The following AGBL1 variants were observed in gnomAD, a reference collection of about 807,000 sequenced individuals.
AGBL1 encodes the protein cytosolic carboxypeptidase 4.
Under a neutral mutation model 118.9 loss-of-function variants are expected in AGBL1, and 130 were observed. The ratio of observed to expected loss-of-function variants is 1.09; its 90% CI spans 0.95 to 1.26. The LOEUF is 1.26. AGBL1 is among the 50% of genes most tolerant of loss of function. AGBL1 has a pLI of 0.00. For missense variants in AGBL1, 1,584 were observed against 1,298.1 expected (o/e 1.22, Z -3.38); for synonymous variants, 555 against 478.9 (o/e 1.16, Z -2.08).
intron 24 of AGBL1, among the ~76,000 whole-genome samples, chr15:87,010,909 GA>G (rs1378465403): frequency 6.6e-6 from 1 of 151,884 alleles, no homozygotes; most frequent in African/African-American, 2.4e-5. Context: ...TCCATCTCTG[GA>G]AAATCCTGAC....
At chr15:86,789,483 G>C (rs960507432) in intron 22 of AGBL1, among the ~76,000 whole-genome samples, 2 of 152,162 alleles carry the variant, frequency 1.3e-5, no homozygotes, top group African/African-American at 2.4e-5. Context: ...ATCCCATTGA[G>C]GGGGACAAAC....
chr15:86,965,348 A>C (rs1245728461), intron 23 of AGBL1, among the ~76,000 whole-genome samples: 1 of 151,934 alleles, frequency 6.6e-6, no homozygotes, highest in Non-Finnish European at 1.5e-5. Context: ...ATGGTATCTC[A>C]TTGTGGTTTT....
intron 17 of AGBL1, among the ~76,000 whole-genome samples, chr15:86,378,389 G>A (rs966072): frequency 0.39 from 59,376 of 151,774 alleles, 12,497 homozygotes; most frequent in East Asian, 0.66. Context: ...CTTCCCATCG[G>A]CCTTCCTCTC....
intron 17 of AGBL1, among the ~76,000 whole-genome samples, chr15:86,381,804 C>G (rs1327399236): frequency 2.0e-5 from 3 of 152,062 alleles, no homozygotes; most frequent in Admixed American, 6.5e-5. Context: ...CATATTGAAC[C>G]AAATTGTACT....
intron 23 of AGBL1, among the ~76,000 whole-genome samples, chr15:86,929,739 G>T (rs2080583201): frequency 6.6e-6 from 1 of 152,166 alleles, no homozygotes; most frequent in Admixed American, 6.5e-5. Flanking sequence ...GCGTGTTTCA[G>T]CTTTGACTAT....
At chr15:86,673,001 C>A (rs1209178845) in intron 21 of AGBL1, among the ~76,000 whole-genome samples, 2 of 152,106 alleles carry the variant, frequency 1.3e-5, no homozygotes, top group Non-Finnish European at 2.9e-5. Context: ...TGCTTATGAG[C>A]AATCCTTCTG....
intron 5 of AGBL1, among the ~76,000 whole-genome samples, chr15:86,218,474 G>T (rs2078225716): frequency 1.3e-5 from 2 of 152,164 alleles, no homozygotes; most frequent in Admixed American, 6.5e-5. Context: ...CTCACCTCCT[G>T]TTGTTTATAC....
At chr15:86,538,952 G>C (rs2083459481) in intron 19 of AGBL1, among the ~76,000 whole-genome samples, 3 of 152,222 alleles carry the variant, frequency 2.0e-5, no homozygotes, top group Non-Finnish European at 1.5e-5. Flanking sequence ...TGAGAAGCAT[G>C]GCAATCTGGT....
chr15:86,255,818 A>C (rs1195511075), intron 7 of AGBL1, among the ~76,000 whole-genome samples: 1 of 152,142 alleles, frequency 6.6e-6, no homozygotes, highest in Non-Finnish European at 1.5e-5. Context: ...TTTTGGAGTC[A>C]TTTGGGTAGC....
intron 17 of AGBL1, among the ~76,000 whole-genome samples, chr15:86,356,008 C>T (rs2080710614): frequency 6.6e-6 from 1 of 152,150 alleles, no homozygotes; most frequent in South Asian, 2.1e-4. Context: ...GACAGTCCCC[C>T]TAGGCAGTTG....
chr15:86,395,460 C>A (rs552581435), intron 17 of AGBL1, among the ~76,000 whole-genome samples: 6 of 152,208 alleles, frequency 3.9e-5, no homozygotes, highest in Admixed American at 2.0e-4. Context: ...TTTGTATACA[C>A]CTCCATTAGC....
chr15:86,357,559 T>C (rs920387795), intron 17 of AGBL1, among the ~76,000 whole-genome samples: 1 of 152,196 alleles, frequency 6.6e-6, no homozygotes, highest in African/African-American at 2.4e-5. Context: ...AAAAGGGCCT[T>C]GTGGTTAGCA....
Position 86,314,812 on chromosome 15 carries a change from T to A in AGBL1, c.2374+19404T>A, listed in dbSNP as rs368894915. 3.3e-5 allele frequency among the ~76,000 whole-genome samples: 5 copies of A among 152,172 alleles called. No homozygotes were observed. In the East Asian group the frequency reaches 5.8e-4, roughly 18 times the overall value. The stretch of plus-strand genomic sequence containing the variant: ...CTTCAAGCTCCATCTTTTCTCGTTG[T>A]GAATTCCATAAAAAGCCATGTTTTC... On this transcript the variant is annotated intron_variant, in intron 17 of 22. Transcript: ENST00000614907.
chr15:87,028,841 T>A, exon 25 of AGBL1: 1 of 1,605,310 alleles, frequency 6.2e-7, no homozygotes, highest in Non-Finnish European at 8.5e-7. Context: ...TGACACTTGA[T>A]GAGGCTCCCT....
At chr15:86,700,706 G>T (rs2086343028) in intron 22 of AGBL1, among the ~76,000 whole-genome samples, 1 of 152,044 alleles carries the variant, frequency 6.6e-6, no homozygotes, top group South Asian at 2.1e-4. Context: ...TTGCTGCCTT[G>T]TGTTTTATTC....
intron 22 of AGBL1, among the ~76,000 whole-genome samples, chr15:86,693,011 T>G (rs1312416020): frequency 6.6e-6 from 1 of 152,202 alleles, no homozygotes; most frequent in African/African-American, 2.4e-5. Context: ...TCTTGTTGAT[T>G]GATAGGCTTT....
intron 18 of AGBL1, among the ~76,000 whole-genome samples, chr15:86,507,751 G>A (rs535884925): frequency 2.0e-5 from 3 of 152,174 alleles, no homozygotes; most frequent in African/African-American, 7.2e-5. Context: ...ACATAGTCCA[G>A]GTAAAAGAAG....
chr15:86,261,795 G>A (rs1467676750), intron 9 of AGBL1, among the ~76,000 whole-genome samples: 1 of 151,904 alleles, frequency 6.6e-6, no homozygotes, highest in Non-Finnish European at 1.5e-5. Context: ...GATCTATCAA[G>A]AATAAACAAT....
rs59968237 is a variant in AGBL1 at position 86,298,246 on chromosome 15, AATATATATATAT to A, written c.2374+2861_2374+2872del. Among the ~76,000 whole-genome samples, 40 of 69,806 alleles carry A rather than the reference AATATATATATAT, an allele frequency of 5.7e-4. 3 individuals are homozygous for A. The highest frequency in any genetic ancestry group is 1.7e-3 in the African/African-American group (26 of 15,352). The allele number at this position is 69,806 out of a possible 152,430, so 45.8% of individuals were successfully genotyped here. A position where few individuals can be genotyped will look rare whatever the true frequency, so the allele number is the denominator to read the frequency against. ...GTATACAGGGTACGTGTCTGTGTAT[AATATATATATAT>A]ATATATATATATATATATATATGGT... On this transcript the variant is annotated intron_variant, in intron 17 of 22. Transcript: ENST00000614907.
Sources: gnomAD v4.1 joint callset for allele counts (sites outside exome capture counted in the v4.1 genomes callset) on GRCh38, gnomAD v4.1.1 for gene constraint, MANE v1.5 for transcripts, NCBI Gene and HGNC (gene_info 2026-07-23, HGNC 2026-07-21) for gene names.